ZFPM1: variants seen among roughly 807,000 people sequenced by gnomAD.
ZFPM1 encodes the protein zinc finger protein, FOG family member 1, also known as zinc finger protein ZFPM1.
A neutral mutation model predicts 46.3 loss-of-function variants in ZFPM1; 28 were observed. The observed-to-expected ratio is 0.60, with a 90% CI of 0.45 to 0.83. ZFPM1 has a LOEUF of 0.83. ZFPM1 is among the 40% of genes least tolerant of loss of function. ZFPM1 has a pLI of 0.00. For missense variants in ZFPM1, 1,878 were observed against 1,432.4 expected (o/e 1.31, Z -5.02); for synonymous variants, 957 against 675.9 (o/e 1.42, Z -6.45).
At position 88,534,922 on chromosome 16, in the gene ZFPM1, CT is replaced by C; in HGVS notation, c.2966del (p.Phe989SerfsTer17). On this transcript the variant is annotated frameshift_variant, in exon 10 of 10. Transcript: ENST00000319555. LOFTEE classifies it high-confidence loss of function. ...ACATCAAGTTCAGCAGCCTGTCCAC[CT>C]TCATCGCCCACAAGAAGTATTACTG... ...CNIKFSSLST[F>X]IAHKKYYCSS... 6.4e-7 allele frequency: 1 copy of C among 1,551,248 alleles called. No homozygotes were observed. The highest frequency in any genetic ancestry group is 8.7e-7 in the Non-Finnish European group (1 of 1,150,532).
chr16:88,455,440 C>T (rs965427448), intron 1 of ZFPM1, among the ~76,000 whole-genome samples: 6 of 152,132 alleles, frequency 3.9e-5, no homozygotes, highest in Non-Finnish European at 7.4e-5. Flanking sequence ...CTGTCGCTCG[C>T]GGCCCGGGGC....
chr16:88,522,561 A>G (rs909128701), intron 4 of ZFPM1, among the ~76,000 whole-genome samples: 7 of 152,248 alleles, frequency 4.6e-5, no homozygotes, highest in Non-Finnish European at 8.8e-5. Context: ...ACGGCCTCAG[A>G]TAAAGTTGTC....
At chr16:88,492,035 G>C (rs1909609484) in intron 3 of ZFPM1, among the ~76,000 whole-genome samples, 1 of 152,106 alleles carries the variant, frequency 6.6e-6, no homozygotes. Flanking sequence ...GAGCATCTCT[G>C]CCTTCTGTCT....
chr16:88,526,495 C>A (rs1477455103), intron 4 of ZFPM1, among the ~76,000 whole-genome samples: 1 of 152,128 alleles, frequency 6.6e-6, no homozygotes, highest in East Asian at 1.9e-4. Context: ...TCTGCTGCTC[C>A]CTGGCTGTGT....
intron 3 of ZFPM1, among the ~76,000 whole-genome samples, chr16:88,508,758 C>T (rs545842598): frequency 1.2e-4 from 18 of 152,312 alleles, no homozygotes; most frequent in Admixed American, 7.8e-4. Context: ...CCCCTTCTGT[C>T]GCCTCTCTCT....
chr16:88,481,471 C>A lies in ZFPM1; in HGVS notation c.41-4468C>A, dbSNP rs536184704. 9.2e-5 allele frequency among the ~76,000 whole-genome samples: 14 copies of A among 151,764 alleles called. 1 individual carries two copies. In the South Asian group the frequency reaches 2.5e-3, roughly 27 times the overall value. ...CGGGGGCCGTGGACAGGGCAGCTCG[C>A]AAGTCGGCCTTGCTGGGCCTTGGTT... On this transcript the variant is annotated intron_variant, in intron 1 of 9. Coordinates refer to ENST00000319555, the MANE Select transcript of ZFPM1 (RefSeq NM_153813.3).
intron 3 of ZFPM1, among the ~76,000 whole-genome samples, chr16:88,501,674 TAGCG>T (rs1910342519): frequency 7.1e-6 from 1 of 140,534 alleles, no homozygotes; most frequent in Non-Finnish European, 1.5e-5. Context: ...ATGATAGAGA[TAGCG>T]GGTGTGGGTG....
At chr16:88,531,318 C>G (rs542743497) in intron 6 of ZFPM1, among the ~76,000 whole-genome samples, 1 of 152,298 alleles carries the variant, frequency 6.6e-6, no homozygotes, top group African/African-American at 2.4e-5. Flanking sequence ...CCCCTGCTGG[C>G]AAAACCACCG....
rs184166280 is a variant in ZFPM1 at position 88,476,782 on chromosome 16, G to A, written c.41-9157G>A. Among the ~76,000 whole-genome samples, 120 of 152,304 alleles carry A rather than the reference G, an allele frequency of 7.9e-4. 3 individuals carry two copies. The highest frequency in any genetic ancestry group is 7.2e-3 in the Admixed American group (110 of 15,310). On this transcript the variant is annotated intron_variant, in intron 1 of 9. Transcript: ENST00000319555. ...AGGGACTCGACTTGAACATACATAC[G>A]ATGGGGGCCAACCTGAGCCAGGGAG...
At chr16:88,525,763 G>T (rs1912264044) in intron 4 of ZFPM1, among the ~76,000 whole-genome samples, 2 of 152,202 alleles carry the variant, frequency 1.3e-5, no homozygotes, top group African/African-American at 2.4e-5. Flanking sequence ...CGAGGCCATG[G>T]ACTGCCCGCC....
At chr16:88,531,827 G>A (rs536482450) in intron 6 of ZFPM1, among the ~76,000 whole-genome samples, 175 bp from the exon 7 acceptor site, 7 of 152,304 alleles carry the variant, frequency 4.6e-5, no homozygotes, top group South Asian at 2.1e-4. Context: ...AAGGGAGTGG[G>A]GCTGTCACAG....
intron 3 of ZFPM1, among the ~76,000 whole-genome samples, chr16:88,491,645 G>A (rs1053198270): frequency 5.9e-5 from 9 of 152,172 alleles, no homozygotes; most frequent in African/African-American, 9.7e-5. Flanking sequence ...GGAGCCTGGC[G>A]CCGGGAAGGG....
At chr16:88,522,077 A>C (rs571882908) in intron 4 of ZFPM1, 1 of 152,468 alleles carries the variant, frequency 6.6e-6, no homozygotes, top group African/African-American at 2.4e-5. Flanking sequence ...AGTTCTGTTC[A>C]CTGTGTTCCC....
intron 1 of ZFPM1, among the ~76,000 whole-genome samples, chr16:88,467,095 C>T (rs554815147): frequency 1.3e-5 from 2 of 152,294 alleles, no homozygotes; most frequent in Admixed American, 1.3e-4. Flanking sequence ...GGTTTTCCGC[C>T]AACGGCTACA....
At chr16:88,483,174 C>T (rs74032893) in intron 1 of ZFPM1, among the ~76,000 whole-genome samples, 72 of 152,196 alleles carry the variant, frequency 4.7e-4, no homozygotes, top group African/African-American at 1.7e-3. Flanking sequence ...CTGAGGAGGC[C>T]GGGACTCATG....
intron 5 of ZFPM1, among the ~76,000 whole-genome samples, chr16:88,527,371 G>A (rs886427106): frequency 3.9e-5 from 6 of 152,194 alleles, no homozygotes; most frequent in Non-Finnish European, 5.9e-5. Flanking sequence ...GGGCCTTGCC[G>A]TGCTGCTGCT....
At chr16:88,458,902 G>C (rs1484972999) in intron 1 of ZFPM1, among the ~76,000 whole-genome samples, 1 of 152,194 alleles carries the variant, frequency 6.6e-6, no homozygotes, top group Non-Finnish European at 1.5e-5. Flanking sequence ...CGCCCTGCCT[G>C]GTGAGTCCCG....
chr16:88,465,223 C>T (rs1908080319), intron 1 of ZFPM1, among the ~76,000 whole-genome samples: 2 of 152,214 alleles, frequency 1.3e-5, no homozygotes, highest in Non-Finnish European at 2.9e-5. Flanking sequence ...GCTGGGGAGA[C>T]ACAGGCAGGG....
chr16:88,453,699 G>A, intron 1 of ZFPM1, 21 bp downstream of exon 1: 9 of 1,189,102 alleles, frequency 7.6e-6, no homozygotes, highest in South Asian at 2.0e-5. Context: ...CTTTGCCCGC[G>A]GTCCCCTCCG....
Sources: gnomAD v4.1 joint callset for allele counts (sites outside exome capture counted in the v4.1 genomes callset) on GRCh38, gnomAD v4.1.1 for gene constraint, MANE v1.5 for transcripts, NCBI Gene and HGNC (gene_info 2026-07-23, HGNC 2026-07-21) for gene names.